Variants in DRC11 observed in about 807,000 individuals in gnomAD.
DRC11 encodes dynein regulatory complex subunit 11, also known as IQ and AAA domain-containing protein 1.
the DRC11 span, among the ~76,000 whole-genome samples, chr2:236,323,640 C>T: frequency 2.0e-5 from 3 of 152,182 alleles, no homozygotes; most frequent in Admixed American, 1.3e-4. This position sits in a 1 kb window ranked among gnomAD's most constrained non-coding sequence, Gnocchi z 6.4. Context: ...CCTGGCAAAA[C>T]CTGGATGCCT....
chr2:236,500,107 GAT>G, the DRC11 span, among the ~76,000 whole-genome samples: 5 of 150,630 alleles, frequency 3.3e-5, no homozygotes, highest in Admixed American at 2.6e-4. This position sits in a 1 kb window ranked among gnomAD's most constrained non-coding sequence, Gnocchi z 6.3. Context: ...TGATGATGAT[GAT>G]GATGATGATG....
At chr2:236,338,435 A>T in the DRC11 span, 1 of 1,514,012 alleles carries the variant, frequency 6.6e-7, no homozygotes. Flanking sequence ...GAATGAAAAA[A>T]TGAAAGAAAA....
chr2:236,374,941 T>A, the DRC11 span, among the ~76,000 whole-genome samples: 2 of 150,908 alleles, frequency 1.3e-5, no homozygotes, highest in African/African-American at 4.9e-5. Flanking sequence ...CCTCAGGTGA[T>A]CCGTCCACCT....
chr2:236,507,456 C>T, the DRC11 span: 4 of 621,000 alleles, frequency 6.4e-6, no homozygotes, highest in Non-Finnish European at 1.1e-5. Flanking sequence ...GCCGGGTTTG[C>T]TTCGCAGGCA....
chr2:236,352,653 C>T, the DRC11 span, among the ~76,000 whole-genome samples: 3 of 152,276 alleles, frequency 2.0e-5, no homozygotes, highest in African/African-American at 7.2e-5. The surrounding 1 kb of genome is among the most constrained non-coding windows in gnomAD (Gnocchi z 7.0). Context: ...AACCGTTGAA[C>T]ACTTCCTGTC....
the DRC11 span, among the ~76,000 whole-genome samples, chr2:236,325,746 G>A: frequency 6.6e-6 from 1 of 152,156 alleles, no homozygotes; most frequent in Admixed American, 6.5e-5. This position sits in a 1 kb window ranked among gnomAD's most constrained non-coding sequence, Gnocchi z 4.4. Flanking sequence ...GGGATTACAG[G>A]CGTGCGCCAC....
At chr2:236,484,818 G>A in the DRC11 span, among the ~76,000 whole-genome samples, 1 of 152,114 alleles carries the variant, frequency 6.6e-6, no homozygotes, top group South Asian at 2.1e-4. Flanking sequence ...AGCGATTTAA[G>A]TTTCCTTATG....
At chr2:236,459,526 C>CGTATACGTATATACGT in the DRC11 span, among the ~76,000 whole-genome samples, 1 of 76,318 alleles carries the variant, frequency 1.3e-5, no homozygotes, top group South Asian at 3.5e-4. Context: ...TACATGTATA[C>CGTATACGTATATACGT]ATGTATACGT....
At chr2:236,370,602 C>A in the DRC11 span, among the ~76,000 whole-genome samples, 1 of 152,078 alleles carries the variant, frequency 6.6e-6, no homozygotes, top group African/African-American at 2.4e-5. This position sits in a 1 kb window ranked among gnomAD's most constrained non-coding sequence, Gnocchi z 5.5. Flanking sequence ...ATACCTAGGG[C>A]AGGGGTGGGG....
chr2:236,495,725 C>T, the DRC11 span, among the ~76,000 whole-genome samples: 393 of 152,288 alleles, frequency 2.6e-3, 1 homozygote, highest in Non-Finnish European at 4.3e-3. This position sits in a 1 kb window ranked among gnomAD's most constrained non-coding sequence, Gnocchi z 5.6. Context: ...ATGCCTTCAG[C>T]CCACCCCAAC....
At chr2:236,437,574 C>G in the DRC11 span, among the ~76,000 whole-genome samples, 1 of 150,214 alleles carries the variant, frequency 6.7e-6, no homozygotes, top group Admixed American at 6.6e-5. Flanking sequence ...TAAAAGTGTT[C>G]CTATTTCTCC....
the DRC11 span, among the ~76,000 whole-genome samples, chr2:236,389,591 C>T: frequency 1.3e-3 from 203 of 152,308 alleles, no homozygotes; most frequent in Non-Finnish European, 1.8e-3. Flanking sequence ...GAACCCGGTA[C>T]CTCAGATGGA....
chr2:236,408,997 T>C, the DRC11 span: 3 of 702,608 alleles, frequency 4.3e-6, no homozygotes, highest in Non-Finnish European at 7.9e-6. This position sits in a 1 kb window ranked among gnomAD's most constrained non-coding sequence, Gnocchi z 5.5. Flanking sequence ...CTCTTCACCT[T>C]CCCACGATGC....
the DRC11 span, chr2:236,377,087 T>C: frequency 1.3e-5 from 19 of 1,470,378 alleles, no homozygotes; most frequent in Admixed American, 3.0e-4. The surrounding 1 kb of genome is among the most constrained non-coding windows in gnomAD (Gnocchi z 4.9). Context: ...ACATGTATTA[T>C]TCTCTGTGTA....
the DRC11 span, among the ~76,000 whole-genome samples, chr2:236,413,093 A>G: frequency 6.6e-6 from 1 of 152,108 alleles, no homozygotes; most frequent in Non-Finnish European, 1.5e-5. The surrounding 1 kb of genome is among the most constrained non-coding windows in gnomAD (Gnocchi z 4.0). Flanking sequence ...GGTGCCTAAG[A>G]TCATCACTCT....
the DRC11 span, among the ~76,000 whole-genome samples, chr2:236,366,793 CCCTCCCTCCTT>C: frequency 7.1e-6 from 1 of 141,830 alleles, no homozygotes; most frequent in Non-Finnish European, 1.5e-5. Context: ...CTCTCCCTCT[CCCTCCCTCCTT>C]CCTCCTCCTC....
the DRC11 span, among the ~76,000 whole-genome samples, chr2:236,411,276 C>T: frequency 1.3e-5 from 2 of 152,016 alleles, no homozygotes; most frequent in African/African-American, 4.8e-5. Flanking sequence ...ATTTATGCAG[C>T]CAAAAAACAC....
the DRC11 span, among the ~76,000 whole-genome samples, chr2:236,335,282 A>G: frequency 2.0e-5 from 3 of 152,250 alleles, no homozygotes; most frequent in African/African-American, 4.8e-5. The surrounding 1 kb of genome is among the most constrained non-coding windows in gnomAD (Gnocchi z 5.6). Flanking sequence ...TCTGTAAGAC[A>G]GATGTCCCAG....
At chr2:236,388,254 T>G in the DRC11 span, among the ~76,000 whole-genome samples, 186 of 151,356 alleles carry the variant, frequency 1.2e-3, no homozygotes, top group Non-Finnish European at 2.1e-3. Context: ...TCCTGCAGAG[T>G]GTTTTCCAAC....
Sources: gnomAD v4.1 joint callset for allele counts (sites outside exome capture counted in the v4.1 genomes callset) on GRCh38, gnomAD v4.1.1 for gene constraint, Gnocchi (gnomAD v3.1) non-coding constraint, MANE v1.5 for transcripts, NCBI Gene and HGNC (gene_info 2026-07-23, HGNC 2026-07-21) for gene names.